RALYL: variants seen among roughly 807,000 people sequenced by gnomAD.
The protein encoded by RALYL is RNA-binding Raly-like protein.
A neutral mutation model predicts 35.1 loss-of-function variants in RALYL; 29 were observed. The observed-to-expected ratio is 0.83, with a 90% CI of 0.61 to 1.13. The LOEUF is 1.13. Among genes scored for constraint, RALYL ranks in the 50% most tolerant of loss-of-function variants. The pLI is 0.00. For missense variants in RALYL, 359 were observed against 360.4 expected (o/e 1.00, Z 0.03); for synonymous variants, 120 against 127.6 (o/e 0.94, Z 0.40).
chr8:84,506,594 G>A (rs2134323031), intron 1 of RALYL, among the ~76,000 whole-genome samples: 1 of 151,922 alleles, frequency 6.6e-6, no homozygotes, highest in South Asian at 2.1e-4. Flanking sequence ...TAAGTGTTTA[G>A]TTTTTCTGAA....
intron 1 of RALYL, among the ~76,000 whole-genome samples, chr8:84,509,176 A>C (rs2057407234): frequency 1.3e-5 from 2 of 152,266 alleles, no homozygotes; most frequent in African/African-American, 2.4e-5. Context: ...CTGGATGAAC[A>C]CATTCTTTGA....
chr8:84,906,405 T>C (rs2135619637), intron 8 of RALYL, among the ~76,000 whole-genome samples: 1 of 152,180 alleles, frequency 6.6e-6, no homozygotes, highest in Non-Finnish European at 1.5e-5. Context: ...GGCAAGAAAT[T>C]TGTACTTGAA....
chr8:84,184,480 G>T (rs760810967), intron 1 of RALYL, 56 bp downstream of exon 1: 1 of 154,270 alleles, frequency 6.5e-6, no homozygotes, highest in Non-Finnish European at 1.4e-5. Context: ...ACTGGTCCTA[G>T]CAAAGAAATG....
At chr8:84,802,361 T>C (rs947869597) in intron 3 of RALYL, among the ~76,000 whole-genome samples, 19 of 152,192 alleles carry the variant, frequency 1.2e-4, no homozygotes, top group Admixed American at 1.3e-4. Flanking sequence ...AAACTCTTGG[T>C]TTATAGAACA....
chr8:84,425,803 G>GTGTGTA (rs2046360789), intron 1 of RALYL, among the ~76,000 whole-genome samples: 2 of 151,796 alleles, frequency 1.3e-5, no homozygotes, highest in African/African-American at 4.8e-5. Context: ...GTGTGTGTGT[G>GTGTGTA]TGTGTGTGTG....
In RALYL at chr8:84,360,612, G is replaced by A. The variant is rs189361576; in HGVS notation, c.-23-168687G>A. ...GGGGGCACAAGGATACTGTAGAAAA[G>A]GAAATTTTACTTAGATATGAAGAAA... is the stretch of plus-strand genomic sequence containing the variant. On this transcript the variant is annotated intron_variant, in intron 1 of 8. Transcript: ENST00000521268. Among the ~76,000 whole-genome samples, 25 of 152,216 alleles carry A rather than the reference G, an allele frequency of 1.6e-4. No individual in the cohort carries two copies. The East Asian group carries it at 4.3e-3, about 26-fold the overall frequency.
At chr8:84,312,500 AG>A (rs1164737974) in intron 1 of RALYL, among the ~76,000 whole-genome samples, 1 of 152,188 alleles carries the variant, frequency 6.6e-6, no homozygotes, top group Admixed American at 6.5e-5. Context: ...ATCAAAAGCA[AG>A]TTAGTTACTT....
intron 2 of RALYL, among the ~76,000 whole-genome samples, chr8:84,569,087 A>T (rs1345685447): frequency 4.1e-4 from 62 of 151,244 alleles, no homozygotes; most frequent in African/African-American, 1.5e-3. Context: ...TTTTGTTGCC[A>T]TTGCTTTTGG....
In RALYL at chr8:84,370,083, G is replaced by A. The variant is rs879873259; in HGVS notation, c.-23-159216G>A. On this transcript the variant is annotated intron_variant, in intron 1 of 8. Transcript: ENST00000521268. ...CAACAGTGATGCTTTACACAGCCAC[G>A]TAAATTTTGAATAATTTTAGTCCTT... Among the ~76,000 whole-genome samples, 4 of 152,132 alleles carry A rather than the reference G, an allele frequency of 2.6e-5. No individual in the cohort carries two copies. In the South Asian group the frequency reaches 8.3e-4, roughly 32 times the overall value.
At chr8:84,593,270 G>T in intron 2 of RALYL, among the ~76,000 whole-genome samples, 1 of 151,932 alleles carries the variant, frequency 6.6e-6, no homozygotes, top group Non-Finnish European at 1.5e-5. Context: ...ATTTCTTATA[G>T]TTTCTGCAGT....
chr8:84,849,558 TTTG>T (rs1374767941), intron 4 of RALYL, among the ~76,000 whole-genome samples: 43 of 148,638 alleles, frequency 2.9e-4, no homozygotes, highest in African/African-American at 9.5e-4. Context: ...GTTTTTTGTT[TTTG>T]TTTTTTTTTT....
chr8:84,627,733 G>A (rs981278678), intron 2 of RALYL, among the ~76,000 whole-genome samples: 2 of 151,732 alleles, frequency 1.3e-5, no homozygotes, highest in South Asian at 2.1e-4. Context: ...AATTATTGAT[G>A]TTTTTCACTT....
intron 1 of RALYL, among the ~76,000 whole-genome samples, chr8:84,236,185 A>G (rs1826510623): frequency 6.6e-6 from 1 of 152,196 alleles, no homozygotes; most frequent in South Asian, 2.1e-4. Flanking sequence ...ATTACATTTT[A>G]TAAAATGGAC....
intron 1 of RALYL, among the ~76,000 whole-genome samples, chr8:84,470,107 G>T (rs572657935): frequency 6.6e-6 from 1 of 152,252 alleles, no homozygotes; most frequent in South Asian, 2.1e-4. Flanking sequence ...CTTCTGCGTC[G>T]CTCACGCTGG....
intron 2 of RALYL, among the ~76,000 whole-genome samples, chr8:84,565,512 T>C (rs759790412): frequency 5.9e-5 from 9 of 151,706 alleles, no homozygotes; most frequent in Non-Finnish European, 1.0e-4. Flanking sequence ...ATTTTGACAG[T>C]ATTATGCATT....
chr8:84,464,590 G>T (rs1448105283), intron 1 of RALYL, among the ~76,000 whole-genome samples: 2 of 149,612 alleles, frequency 1.3e-5, no homozygotes, highest in Admixed American at 1.3e-4. Context: ...GAATAATGCC[G>T]CAATAAACAT....
At chr8:84,310,217 A>G (rs367725723) in intron 1 of RALYL, among the ~76,000 whole-genome samples, 3 of 151,328 alleles carry the variant, frequency 2.0e-5, no homozygotes, top group African/African-American at 7.3e-5. Flanking sequence ...TAATTTTTGT[A>G]TTTTTGTAGA....
At chr8:84,740,067 T>A (rs1281007958) in intron 2 of RALYL, among the ~76,000 whole-genome samples, 1 of 151,838 alleles carries the variant, frequency 6.6e-6, no homozygotes, top group African/African-American at 2.4e-5. Context: ...AGAATAAAAG[T>A]CTGATGAGAT....
At chr8:84,846,293 T>A (rs1275041687) in intron 4 of RALYL, among the ~76,000 whole-genome samples, 2 of 152,244 alleles carry the variant, frequency 1.3e-5, no homozygotes, top group East Asian at 3.9e-4. Context: ...TTTTTCTATA[T>A]TTTATGTTGT....
Sources: allele counts gnomAD v4.1 joint callset (sites outside exome capture counted in the v4.1 genomes callset), GRCh38; gene constraint gnomAD v4.1.1; transcripts MANE v1.5; gene names NCBI Gene and HGNC (gene_info 2026-07-23, HGNC 2026-07-21).